The following IMPG1 variants were observed in gnomAD, a reference collection of about 807,000 sequenced individuals.
IMPG1 encodes the protein interphotoreceptor matrix proteoglycan of 150 kDa.
In IMPG1, 85 loss-of-function variants were observed where a neutral mutation model predicts 92.0. The ratio of observed to expected loss-of-function variants is 0.92; its 90% CI spans 0.78 to 1.11. IMPG1 has a LOEUF of 1.11. IMPG1 is among the 50% of genes least tolerant of loss of function. The pLI, the probability that IMPG1 is intolerant of heterozygous loss-of-function variation, is 0.00. For synonymous variants in IMPG1, 367 were observed against 334.1 expected (o/e 1.10, Z -1.08); for missense variants, 1,022 against 956.0 (o/e 1.07, Z -0.91).
rs750131334 is a variant in IMPG1 at position 76,002,939 on chromosome 6, C to T, written c.1270G>A (p.Gly424Arg). Residue 424 changes from glycine to arginine, a missense_variant, in exon 12 of 17, where the codon GGA (glycine) becomes AGA (arginine). Around this residue, in one of 3 missense-constraint regions of IMPG1, gnomAD observed 681 missense variants for 583.6 expected, o/e 1.17. Coordinates refer to ENST00000369950, the MANE Select transcript of IMPG1 (RefSeq NM_001563.4). ...TTACCAGGTAGACCATGCTCTGCTC[C>T]GTCCACTGTCTCAAGCTGGGGTTCA... is the stretch of plus-strand genomic sequence containing the variant. ...PVEPQLETVDGAEHGLPDTSW... is the reference protein window; with the variant it reads ...PVEPQLETVDRAEHGLPDTSW... 1.5e-5 allele frequency: 24 copies of T among 1,613,338 alleles called. No individual in the cohort carries two copies. The Middle Eastern group carries it at 5.0e-4, about 33-fold the overall frequency.
At position 76,018,807 on chromosome 6, in the gene IMPG1, C is replaced by T. The variant is rs139136879; in HGVS notation, c.718G>A (p.Val240Ile). The change falls in exon 7 of 17, where the codon GTC becomes ATC. Residue 240 changes from valine to isoleucine, a missense_variant. Physicochemically the swap from Val to Ile is conservative, Grantham distance 29. Coordinates refer to ENST00000369950, the MANE Select transcript of IMPG1 (RefSeq NM_001563.4). ...TTGAACTTCTGGTTTACCAGAGAGA[C>T]GCTGAGCTCCACCCTCTGCTCCTCC... Reference protein sequence around the residue: ...VLEEQRVELSVSLVNQKFKAE... With the variant: ...VLEEQRVELSISLVNQKFKAE... 2.4e-3 allele frequency: 3,905 copies of T among 1,612,034 alleles called. 51 individuals are homozygous for T. In the East Asian group the frequency reaches 0.044, roughly 18 times the overall value.
chr6:76,053,650 A>G (rs912059981), intron 1 of IMPG1, among the ~76,000 whole-genome samples: 2 of 152,124 alleles, frequency 1.3e-5, no homozygotes, highest in African/African-American at 4.8e-5. Context: ...TAAGAGTGCT[A>G]CATATTTGGG....
chr6:76,060,365 A>G (rs932149308), intron 1 of IMPG1, among the ~76,000 whole-genome samples: 6 of 152,292 alleles, frequency 3.9e-5, no homozygotes, highest in African/African-American at 1.4e-4. Flanking sequence ...GAGGGAGAAT[A>G]TTCTCCGTAA....
chr6:76,015,636 A>G (rs1783272046), intron 7 of IMPG1, among the ~76,000 whole-genome samples: 1 of 151,922 alleles, frequency 6.6e-6, no homozygotes, highest in Non-Finnish European at 1.5e-5. Flanking sequence ...TCCTGTCTCT[A>G]CTAAAAATAC....
In IMPG1 at chr6:76,034,693, C is replaced by T; in HGVS notation, c.396G>A (p.Gln132=). ...CAATGTCAAAGAGGCAGAAGGTCTC[C>T]TGCTGGCAGATGCTGACCCAGTCCT... The part of the protein sequence containing the change: ...EYQDWVSICQ[Q]ETFCLFDIGK... The change falls in exon 3 of 17, where the codon CAG becomes CAA. Residue 132 remains glutamine (Q), a synonymous_variant. Transcript: ENST00000369950. 6.2e-7 allele frequency: 1 copy of T among 1,614,176 alleles called. No individual in the cohort carries two copies. The highest frequency in any genetic ancestry group is 8.5e-7 in the Non-Finnish European group (1 of 1,180,012).
chr6:76,007,634 G>C, intron 8 of IMPG1, 134 bp from the exon 9 acceptor site: 1 of 604,154 alleles, frequency 1.7e-6, no homozygotes, highest in Non-Finnish European at 2.7e-6. Flanking sequence ...TGTTTGTTCA[G>C]AGCTTTGAAA....
chr6:76,019,368 C>T (rs550288447), intron 6 of IMPG1, among the ~76,000 whole-genome samples: 1 of 152,286 alleles, frequency 6.6e-6, no homozygotes, highest in South Asian at 2.1e-4. Flanking sequence ...TACTAAGGCC[C>T]ATTAGTTTTC....
intron 12 of IMPG1, among the ~76,000 whole-genome samples, chr6:75,965,814 A>G (rs989998361): frequency 7.9e-5 from 12 of 151,886 alleles, no homozygotes; most frequent in Non-Finnish European, 1.6e-4. Context: ...TCACCGTGTT[A>G]GCCAGGATGG....
At chr6:76,002,247 C>T (rs1244322600) in intron 12 of IMPG1, among the ~76,000 whole-genome samples, 1 of 152,120 alleles carries the variant, frequency 6.6e-6, no homozygotes, top group Non-Finnish European at 1.5e-5. Flanking sequence ...CTAAAAAAGG[C>T]TCTCTGCAAG....
chr6:75,952,743 A>G (rs373647254), intron 12 of IMPG1, among the ~76,000 whole-genome samples: 2 of 152,136 alleles, frequency 1.3e-5, no homozygotes, highest in East Asian at 3.9e-4. Flanking sequence ...TGGAGTCCTC[A>G]TGAATGGAAT....
At chr6:75,977,404 A>G (rs1452287681) in intron 12 of IMPG1, among the ~76,000 whole-genome samples, 1 of 152,028 alleles carries the variant, frequency 6.6e-6, no homozygotes. Flanking sequence ...CCTGACTGAT[A>G]TGGAGAAACC....
intron 12 of IMPG1, among the ~76,000 whole-genome samples, chr6:75,955,099 C>CT (rs1278939275): frequency 6.6e-6 from 1 of 152,262 alleles, no homozygotes; most frequent in South Asian, 2.1e-4. Flanking sequence ...CATACAGGCT[C>CT]TTTTTTGGTC....
At chr6:76,004,065 C>A (rs146344381) in intron 10 of IMPG1, 115 bp from the exon 11 acceptor site, 13 of 689,736 alleles carry the variant, frequency 1.9e-5, no homozygotes, top group Middle Eastern at 2.5e-4. Flanking sequence ...AGGAGTAGTA[C>A]AACAAATCAT....
chr6:76,035,007 T>C (rs1371954936), intron 2 of IMPG1, among the ~76,000 whole-genome samples: 2 of 151,824 alleles, frequency 1.3e-5, no homozygotes, highest in Admixed American at 1.3e-4. Context: ...TGCGTGTGTG[T>C]GTGTGTGTGC....
intron 15 of IMPG1, among the ~76,000 whole-genome samples, chr6:75,927,062 G>A (rs1304544240): frequency 2.6e-5 from 4 of 152,150 alleles, no homozygotes; most frequent in African/African-American, 7.2e-5. Flanking sequence ...TGCAGCACTT[G>A]GTGTTCTCAT....
intron 12 of IMPG1, among the ~76,000 whole-genome samples, chr6:75,967,125 C>T (rs1444081338): frequency 6.6e-6 from 1 of 152,050 alleles, no homozygotes; most frequent in Admixed American, 6.6e-5. Flanking sequence ...TTGTAGTGAG[C>T]CGAGATTGTG....
In IMPG1 at chr6:76,064,068, C is replaced by G. The variant is rs1052564078; in HGVS notation, c.67+8354G>C. Among the ~76,000 whole-genome samples the G allele has an allele frequency of 8.5e-5, 13 of 152,270 alleles. No homozygotes were observed. The East Asian group carries it at 2.1e-3, about 25-fold the overall frequency. On this transcript the variant is annotated intron_variant, in intron 1 of 16. Coordinates refer to ENST00000369950, the MANE Select transcript of IMPG1 (RefSeq NM_001563.4). ...ACTACTCATCTCCCTACCCCACCCA[C>G]TGTTGTGGATACAGTTGTGGATACA...
chr6:75,922,586 TC>T (rs1174009394), intron 16 of IMPG1, among the ~76,000 whole-genome samples: 7 of 152,224 alleles, frequency 4.6e-5, no homozygotes, highest in Admixed American at 2.6e-4. Context: ...AAGATGTAGT[TC>T]TTCAAGTTTA....
At chr6:75,948,047 G>A (rs1368435118) in intron 13 of IMPG1, among the ~76,000 whole-genome samples, 2 of 152,130 alleles carry the variant, frequency 1.3e-5, no homozygotes, top group Admixed American at 6.5e-5. Context: ...ACACAAATGT[G>A]GTGTAGTGGA....
Sources: allele counts gnomAD v4.1 joint callset (sites outside exome capture counted in the v4.1 genomes callset), GRCh38; gene constraint gnomAD v4.1.1; regional missense constraint gnomAD v4.1.1; transcripts MANE v1.5; gene names NCBI Gene and HGNC (gene_info 2026-07-23, HGNC 2026-07-21).